The following FGD4 variants were observed in gnomAD, a reference collection of about 807,000 sequenced individuals.
FGD4 encodes the protein FYVE, RhoGEF and PH domain containing 4.
FGD4 carries 42 observed loss-of-function variants against 102.0 expected under a neutral mutation model. The ratio of observed to expected loss-of-function variants is 0.41; its 90% CI spans 0.32 to 0.53. FGD4 has a LOEUF of 0.53. Among genes scored for constraint, FGD4 ranks in the 20% least tolerant of loss-of-function variants. The probability of loss-of-function intolerance (pLI) is 0.21; values close to 1 mark genes in which losing one functional copy is unlikely to be tolerated. For synonymous variants in FGD4, 380 were observed against 375.7 expected, an observed-to-expected ratio of 1.01 and a Z score of -0.13; for missense variants, 902 against 1,078.2, an observed-to-expected ratio of 0.84 and a Z score of 2.29.
At chr12:32,469,822 G>A (rs12304759) in intron 1 of FGD4, among the ~76,000 whole-genome samples, 23,298 of 151,590 alleles carry the variant, frequency 0.15, 3,947 homozygotes, top group African/African-American at 0.41. Flanking sequence ...ACCATGCCTG[G>A]CTAATTTTGT....
At chr12:32,519,735 C>A (rs1023583121) in intron 1 of FGD4, among the ~76,000 whole-genome samples, 1 of 152,076 alleles carries the variant, frequency 6.6e-6, no homozygotes, top group African/African-American at 2.4e-5. Context: ...GTCAGGAGTT[C>A]GAGACCAGCC....
At chr12:32,626,924 C>G (rs531837911) in intron 14 of FGD4, among the ~76,000 whole-genome samples, 1 of 148,600 alleles carries the variant, frequency 6.7e-6, no homozygotes, top group African/African-American at 2.5e-5. Flanking sequence ...CTCGGTTCAC[C>G]GCAACCTCCG....
chr12:32,501,996 G>A (rs963207326), intron 1 of FGD4: 5 of 979,260 alleles, frequency 5.1e-6, no homozygotes, highest in South Asian at 4.7e-5. Flanking sequence ...CAAGCCCTGC[G>A]CATGTGAGTG....
chr12:32,541,757 G>A (rs908054685), intron 1 of FGD4, among the ~76,000 whole-genome samples: 4 of 152,100 alleles, frequency 2.6e-5, no homozygotes, highest in African/African-American at 9.7e-5. Context: ...CACCTAATTT[G>A]TTACATGTTT....
chr12:32,444,427 G>C (rs961994397), intron 1 of FGD4, among the ~76,000 whole-genome samples: 2 of 151,746 alleles, frequency 1.3e-5, no homozygotes, highest in African/African-American at 4.8e-5. Context: ...TTTTTGAGAT[G>C]GATTTTTGCT....
intron 1 of FGD4, among the ~76,000 whole-genome samples, chr12:32,423,424 T>C (rs1202049419): frequency 6.7e-6 from 1 of 149,882 alleles, no homozygotes; most frequent in East Asian, 1.9e-4. Flanking sequence ...ACCCCATCTC[T>C]ATTAAAAAAT....
At chr12:32,489,416 C>G (rs1944017291) in intron 1 of FGD4, among the ~76,000 whole-genome samples, 4 of 152,208 alleles carry the variant, frequency 2.6e-5, no homozygotes, top group Admixed American at 2.6e-4. Context: ...AAATTGGCAA[C>G]TCTTTTAATA....
chr12:32,493,501 C>A (rs1235157254), intron 1 of FGD4, among the ~76,000 whole-genome samples: 1 of 152,216 alleles, frequency 6.6e-6, no homozygotes, highest in African/African-American at 2.4e-5. Flanking sequence ...TGCTGCTTGA[C>A]CTGCTTCAGA....
intron 1 of FGD4, among the ~76,000 whole-genome samples, chr12:32,449,829 C>G (rs1315873218): frequency 2.0e-5 from 3 of 152,142 alleles, no homozygotes; most frequent in African/African-American, 7.2e-5. Context: ...GCCTTGACCT[C>G]CCGGGCTCAA....
chr12:32,609,631 T>C (rs1949016786), intron 8 of FGD4, among the ~76,000 whole-genome samples: 1 of 152,218 alleles, frequency 6.6e-6, no homozygotes, highest in Admixed American at 6.5e-5. Flanking sequence ...TGGCATTTTA[T>C]TGCTTTTTGT....
At chr12:32,603,377 TTTTA>T (rs1948548837) in intron 7 of FGD4, among the ~76,000 whole-genome samples, 1 of 151,224 alleles carries the variant, frequency 6.6e-6, no homozygotes, top group African/African-American at 2.4e-5. Flanking sequence ...GGTTTTTCCT[TTTTA>T]TTTTATTTAT....
rs548742141 is a variant in FGD4, at chr12:32,426,608, T to G, written c.166+26649T>G. Among the ~76,000 whole-genome samples, 203 of 152,324 alleles carry G rather than the reference T, an allele frequency of 1.3e-3. 2 individuals carry two copies. Among genetic ancestry groups the G allele is most frequent in the African/African-American group, 4.7e-3 (197 of 41,566 alleles). On this transcript the variant is annotated intron_variant, in intron 1 of 16. Transcript: ENST00000534526. The stretch of plus-strand genomic sequence containing the variant: ...TGAGTTAGGGGGGATTCCCTCTTTT[T>G]CTGTTGTTTGGAATAGTTTCGGAAG...
chr12:32,455,333 T>C (rs970770673), intron 1 of FGD4, among the ~76,000 whole-genome samples: 7 of 152,186 alleles, frequency 4.6e-5, no homozygotes, highest in African/African-American at 1.7e-4. Context: ...TAGAGCCTTT[T>C]TAGACATATG....
chr12:32,424,574 G>A (rs1378033437), intron 1 of FGD4, among the ~76,000 whole-genome samples: 2 of 152,108 alleles, frequency 1.3e-5, no homozygotes, highest in Non-Finnish European at 2.9e-5. Context: ...ATAATCCTTT[G>A]GGTATATGCC....
chr12:32,602,142 T>G lies in FGD4; in HGVS notation c.1248-19T>G, dbSNP rs756151158. On this transcript the variant is annotated intron_variant, in intron 6 of 16. Coordinates refer to ENST00000534526, the MANE Select transcript of FGD4 (RefSeq NM_001370298.3). ...AAAAAAATTTTTTTTAAAGACTTGT[T>G]TTTCTATATTTGATACAGGGAAACT... 7.4e-6 allele frequency: 12 copies of G among 1,612,784 alleles called. No individual in the cohort carries two copies. In the Admixed American group the frequency reaches 2.0e-4, roughly 27 times the overall value.
intron 1 of FGD4, among the ~76,000 whole-genome samples, chr12:32,481,354 T>C (rs761449192): frequency 3.3e-5 from 5 of 152,166 alleles, no homozygotes; most frequent in Non-Finnish European, 7.4e-5. Flanking sequence ...AGTTTTCATA[T>C]TGTAATATGG....
chr12:32,534,576 G>T, intron 1 of FGD4: 1 of 857,016 alleles, frequency 1.2e-6, no homozygotes, highest in Non-Finnish European at 1.6e-6. Flanking sequence ...CATGCCGAGG[G>T]ATGTAAAAGT....
chr12:32,450,369 G>A (rs1356440423), intron 1 of FGD4, among the ~76,000 whole-genome samples: 2 of 151,964 alleles, frequency 1.3e-5, no homozygotes, highest in Non-Finnish European at 2.9e-5. Flanking sequence ...ACCATGCCAG[G>A]CCACCTATTT....
chr12:32,400,847 A>C (rs1940632319), intron 1 of FGD4, among the ~76,000 whole-genome samples: 1 of 150,036 alleles, frequency 6.7e-6, no homozygotes, highest in Non-Finnish European at 1.5e-5. Flanking sequence ...GATTAAGCAA[A>C]TATGACGATT....
Sources: gnomAD v4.1 joint callset for allele counts (sites outside exome capture counted in the v4.1 genomes callset) on GRCh38, gnomAD v4.1.1 for gene constraint, MANE v1.5 for transcripts, NCBI Gene and HGNC (gene_info 2026-07-23, HGNC 2026-07-21) for gene names.